The following LRP2 variants were observed in gnomAD, a reference collection of about 807,000 sequenced individuals.
The protein encoded by LRP2 is low-density lipoprotein receptor-related protein 2.
A neutral mutation model predicts 531.0 loss-of-function variants in LRP2; 172 were observed. That is an observed-to-expected ratio of 0.32 (90% CI 0.29 to 0.37). The LOEUF (loss-of-function observed/expected upper bound fraction) is 0.37. Ranked by LOEUF, LRP2 falls within the 10% of genes least tolerant of loss-of-function variation. The probability of loss-of-function intolerance (pLI) is 1.00; values close to 1 mark genes in which losing one functional copy is unlikely to be tolerated. For missense variants in LRP2, 5,167 were observed against 5,868.3 expected, an observed-to-expected ratio of 0.88 and a Z score of 3.90; for synonymous variants, 1,992 against 2,027.6, an observed-to-expected ratio of 0.98 and a Z score of 0.47.
At chr2:169,299,135 G>GAA (rs369366511) in intron 4 of LRP2, among the ~76,000 whole-genome samples, 7 of 64,308 alleles carry the variant, frequency 1.1e-4, no homozygotes, top group African/African-American at 3.9e-4. Context: ...AAGAAAGAAA[G>GAA]AAAGAAAGAA....
rs759698241 is a variant in LRP2, at chr2:169,206,496, A to G, written c.7224T>C (p.His2408=). 2 of 1,614,210 alleles carry G rather than the reference A, an allele frequency of 1.2e-6. No homozygotes were observed. The highest frequency in any genetic ancestry group is 1.7e-6 in the Non-Finnish European group (2 of 1,180,040). ...CATTTATTGTTTGGAAAGGTGGGCT[A>G]TGGTTTTCAGGGTCCAAGTGTAAGC... ...LRSLHLDPEN[H]SPPFQTINVE... Residue 2408 remains histidine, a synonymous_variant, in exon 39 of 79, where the codon CAT becomes CAC. Coordinates refer to ENST00000649046, the MANE Select transcript of LRP2 (RefSeq NM_004525.3).
intron 28 of LRP2, among the ~76,000 whole-genome samples, 164 bp from the exon 29 acceptor site, chr2:169,236,232 G>C (rs996793551): frequency 6.6e-6 from 1 of 152,150 alleles, no homozygotes; most frequent in South Asian, 2.1e-4. Context: ...GTGTCACAAA[G>C]TAAAACTGTC....
At chr2:169,321,296 T>A (rs1277048547) in intron 1 of LRP2, among the ~76,000 whole-genome samples, 1 of 152,190 alleles carries the variant, frequency 6.6e-6, no homozygotes, top group Non-Finnish European at 1.5e-5. Flanking sequence ...GCAAACCTCC[T>A]AAATGTCCAA....
chr2:169,259,286 G>T, intron 16 of LRP2, 69 bp from the exon 17 acceptor site: 1 of 1,076,186 alleles, frequency 9.3e-7, no homozygotes. Context: ...TCCTACTAAT[G>T]CACACTGAAA....
At chr2:169,174,192 C>A in intron 55 of LRP2, 28 bp from the exon 56 acceptor site, 2 of 1,613,992 alleles carry the variant, frequency 1.2e-6, no homozygotes, top group Non-Finnish European at 1.7e-6. Flanking sequence ...TGGTTATCAG[C>A]TTGGAAGGCA....
intron 4 of LRP2, among the ~76,000 whole-genome samples, chr2:169,296,372 G>A (rs150424384): frequency 6.6e-5 from 10 of 152,012 alleles, no homozygotes; most frequent in Non-Finnish European, 1.2e-4. Context: ...TAGAGTTATT[G>A]CGTCTTTCCT....
In LRP2 at chr2:169,206,575, C is replaced by G. The variant is rs746756114; in HGVS notation, c.7145G>C (p.Cys2382Ser). The change falls in exon 39 of 79, where the codon TGT becomes TCT. Residue 2382 changes from cysteine to serine, a missense_variant. This residue lies in a region of LRP2 where 2,811 missense variants were observed against 3,058.0 expected (regional missense o/e 0.92). Transcript: ENST00000649046. Reference protein sequence around the residue: ...FGTLQSDGKNCAISTENFLIF... With the variant: ...FGTLQSDGKNSAISTENFLIF... ...GAGGAAATTTTCTGTTGAAATGGCA[C>G]AATTCTTGCCATCACTTTGCAGGGT... 8 of 1,614,020 alleles carry G rather than the reference C, an allele frequency of 5.0e-6. No homozygotes were observed. The highest frequency in any genetic ancestry group is 6.8e-6 in the Non-Finnish European group (8 of 1,180,028).
intron 76 of LRP2, 100 bp from the exon 77 acceptor site, chr2:169,132,781 T>C: frequency 2.7e-6 from 2 of 736,686 alleles, no homozygotes; most frequent in East Asian, 5.3e-5. Flanking sequence ...TTTGCCATCT[T>C]GTTCTCCCAC....
rs1332180348 is a variant in LRP2 at position 169,350,752 on chromosome 2, G to T, written c.79+11569C>A. On this transcript the variant is annotated intron_variant, in intron 1 of 78. Coordinates refer to ENST00000649046, the MANE Select transcript of LRP2 (RefSeq NM_004525.3). ...AAAAAAAAAAAAAAAAAAAAGTGGG[G>T]ACTCAGATGACAGAGACTATCCCCA... is the stretch of plus-strand genomic sequence containing the variant. 2.0e-5 allele frequency among the ~76,000 whole-genome samples: 3 copies of T among 150,094 alleles called. No individual in the cohort carries two copies. The South Asian group carries it at 6.3e-4, about 32-fold the overall frequency.
intron 16 of LRP2, among the ~76,000 whole-genome samples, chr2:169,266,269 T>G (rs551360393): frequency 6.6e-6 from 1 of 151,716 alleles, no homozygotes; most frequent in Non-Finnish European, 1.5e-5. Context: ...TCAAAAATGA[T>G]AAATCAAGAA....
intron 10 of LRP2, among the ~76,000 whole-genome samples, chr2:169,281,933 A>G (rs913689335): frequency 4.6e-5 from 7 of 152,204 alleles, no homozygotes; most frequent in Middle Eastern, 6.8e-3. Context: ...TAGAACTAAA[A>G]TAAAGAAACG....
chr2:169,154,370 T>C (rs1686256235), intron 66 of LRP2, 90 bp downstream of exon 66: 13 of 1,218,944 alleles, frequency 1.1e-5, no homozygotes, highest in Non-Finnish European at 1.5e-5. Context: ...CAAAATTCAC[T>C]CATTAAACAA....
At chr2:169,277,193 C>CAAAAAAAAAAAA (rs5836227) in intron 13 of LRP2, among the ~76,000 whole-genome samples, 1 of 88,158 alleles carries the variant, frequency 1.1e-5, no homozygotes. Flanking sequence ...GACTCCATCT[C>CAAAAAAAAAAAA]AAAAAAAAAA....
At chr2:169,312,025 C>T (rs1444598451) in intron 3 of LRP2, among the ~76,000 whole-genome samples, 1 of 152,116 alleles carries the variant, frequency 6.6e-6, no homozygotes, top group African/African-American at 2.4e-5. Context: ...ATTGCAACCC[C>T]TGCCTTTTTT....
intron 1 of LRP2, among the ~76,000 whole-genome samples, chr2:169,347,653 T>C (rs184177022): frequency 8.7e-4 from 132 of 151,662 alleles, no homozygotes; most frequent in Middle Eastern, 6.9e-3. Context: ...CAGAGAGAAA[T>C]CAATCCGTAC....
rs376928038 is a variant in LRP2, at chr2:169,271,701, A to G, written c.2117-594T>C. 26 of 983,948 alleles carry G rather than the reference A, an allele frequency of 2.6e-5. No individual in the cohort carries two copies. The East Asian group carries it at 2.1e-3, about 78-fold the overall frequency. 61.0% of individuals were successfully genotyped at this position (983,948 alleles called of 1,614,324 possible). On this transcript the variant is annotated intron_variant, in intron 15 of 78. Transcript: ENST00000649046. ...CATCAATCTTTTGTTTAAAAATCAT[A>G]CAGAGCTGAACTCTATAGTAATTCC... is the stretch of plus-strand genomic sequence containing the variant.
In LRP2 at chr2:169,346,951, T is replaced by C. The variant is rs550504114; in HGVS notation, c.79+15370A>G. On this transcript the variant is annotated intron_variant, in intron 1 of 78. Coordinates refer to ENST00000649046, the MANE Select transcript of LRP2 (RefSeq NM_004525.3). ...AGTTCTATCTTTGAGGCCTTCCTAA[T>C]AGATCACAGCTGAAATTCCCCATAA... Among the ~76,000 whole-genome samples the C allele has an allele frequency of 3.3e-5, 5 of 152,336 alleles. No homozygotes were observed. The South Asian group carries it at 6.2e-4, about 19-fold the overall frequency.
chr2:169,274,515 G>T (rs1683501669), intron 14 of LRP2, among the ~76,000 whole-genome samples: 1 of 152,100 alleles, frequency 6.6e-6, no homozygotes, highest in Non-Finnish European at 1.5e-5. Context: ...TAAGTGACCA[G>T]CCAGAGAGAC....
chr2:169,299,115 G>C (rs866716652), intron 4 of LRP2, among the ~76,000 whole-genome samples: 1 of 74,236 alleles, frequency 1.3e-5, no homozygotes, highest in Non-Finnish European at 2.7e-5. Flanking sequence ...AAGAAAGAAA[G>C]AAAGAAAGAA....
Sources: gnomAD v4.1 joint callset for allele counts (sites outside exome capture counted in the v4.1 genomes callset) on GRCh38, gnomAD v4.1.1 for gene constraint, gnomAD v4.1.1 regional missense constraint, MANE v1.5 for transcripts, NCBI Gene and HGNC (gene_info 2026-07-23, HGNC 2026-07-21) for gene names.